Variants in MBNL3 observed in about 807,000 individuals in gnomAD.
The protein encoded by MBNL3 is muscleblind like splicing regulator 3.
Under a neutral mutation model 24.5 loss-of-function variants are expected in MBNL3, and 6 were observed. The observed-to-expected ratio is 0.25, with a 90% CI of 0.13 to 0.48. The LOEUF (loss-of-function observed/expected upper bound fraction) is 0.48, where lower values mean the gene tolerates loss of function less well. MBNL3 is among the 20% of genes least tolerant of loss of function. MBNL3 has a pLI of 0.99. For synonymous variants in MBNL3, 100 were observed against 101.7 expected (o/e 0.98, Z 0.10); for missense variants, 230 against 293.5 (o/e 0.78, Z 1.58).
At chrX:132,390,255 AC>A (rs1235557319) in intron 5 of MBNL3, among the ~76,000 whole-genome samples, 14 of 64,091 alleles carry the variant, frequency 2.2e-4, no homozygotes, top group African/African-American at 8.6e-4. Flanking sequence ...AAACAAAACA[AC>A]AACAACAACA....
chrX:132,488,000 A>T (rs1188901164), intron 1 of MBNL3, among the ~76,000 whole-genome samples: 1 of 112,373 alleles, frequency 8.9e-6, no homozygotes, highest in South Asian at 3.7e-4. Context: ...TAATAAAAAA[A>T]GTACCAATCA....
chrX:132,406,140 C>A lies in MBNL3; in HGVS notation c.342+88G>T, dbSNP rs769518420. The A allele has an allele frequency of 2.5e-3, 2,605 of 1,030,310 alleles. 7 individuals carry two copies. Among genetic ancestry groups the A allele is most frequent in the Non-Finnish European group, 3.1e-3 (2,271 of 736,096 alleles). The allele number at this position is 1,030,310 out of a possible 1,213,427, so 84.9% of individuals were successfully genotyped here. On this transcript the variant is annotated intron_variant, in intron 3 of 8. Transcript: ENST00000370853. ...GAACATATTAGTTTGTGTCCTAAAT[C>A]CTGTTGCAACTAATTTCCCCAAGTC...
In MBNL3 at chrX:132,370,404, A is replaced by T. The variant is rs1167231050; in HGVS notation, c.*9262T>A. ...TCATATCAGAACTTTCCAGATAATAACAAAATTACGAGAGTGTTCATTTTT... is the reference window on the plus strand; with the variant it reads ...TCATATCAGAACTTTCCAGATAATATCAAAATTACGAGAGTGTTCATTTTT... On this transcript the variant is annotated 3_prime_UTR_variant, in exon 9 of 9. Coordinates refer to ENST00000370853, the MANE Select transcript of MBNL3 (RefSeq NM_001386889.1). The T allele has an allele frequency of 8.9e-6, 1 of 111,778 alleles. No homozygotes were observed. Among genetic ancestry groups the T allele is most frequent in the Non-Finnish European group, 1.9e-5 (1 of 53,142 alleles). 9.2% of individuals were successfully genotyped at this position (111,778 alleles called of 1,213,427 possible).
At chrX:132,443,184 C>T (rs935996633) in intron 1 of MBNL3, among the ~76,000 whole-genome samples, 8 of 111,699 alleles carry the variant, frequency 7.2e-5, no homozygotes, top group African/African-American at 2.3e-4. Flanking sequence ...ATTGATGTTT[C>T]GATCTCTCAA....
Position 132,373,577 on chromosome X carries a change from T to C in MBNL3, c.*6089A>G, listed in dbSNP as rs200408740. The C allele has an allele frequency of 6.3e-5, 7 of 111,734 alleles. No homozygotes were observed. In the East Asian group the frequency reaches 2.0e-3, roughly 32 times the overall value. 9.2% of individuals were successfully genotyped at this position (111,734 alleles called of 1,213,427 possible). A position where few individuals can be genotyped will look rare whatever the true frequency, so the allele number is the denominator to read the frequency against. ...TTTCTTTCTCTGTAAATGAGAACTA[T>C]CAAAACGAGTAGCAATACCAACTCC... On this transcript the variant is annotated 3_prime_UTR_variant, in exon 9 of 9. Coordinates refer to ENST00000370853, the MANE Select transcript of MBNL3 (RefSeq NM_001386889.1).
At chrX:132,448,456 G>A (rs143813077) in intron 1 of MBNL3, among the ~76,000 whole-genome samples, 1,458 of 111,673 alleles carry the variant, frequency 0.013, 26 homozygotes, top group African/African-American at 0.045. Flanking sequence ...ATTCTCTGAT[G>A]GTAGTTTGCA....
At chrX:132,405,078 A>G (rs1361183463) in intron 3 of MBNL3, among the ~76,000 whole-genome samples, 1 of 112,141 alleles carries the variant, frequency 8.9e-6, no homozygotes, top group African/African-American at 3.3e-5. Flanking sequence ...GGCATAGGGC[A>G]AGATGAATTT....
chrX:132,390,733 A>C lies in MBNL3; in HGVS notation c.771+114T>G, dbSNP rs200868872. On this transcript the variant is annotated intron_variant, in intron 5 of 8. Coordinates refer to ENST00000370853, the MANE Select transcript of MBNL3 (RefSeq NM_001386889.1). The stretch of plus-strand genomic sequence containing the variant: ...TTCCAGCTTATAACCTTGACTGTTC[A>C]TATTAAGGTCCTCTCATGACCATCC... 22 of 546,516 alleles carry C rather than the reference A, an allele frequency of 4.0e-5. No homozygotes were observed. The East Asian group carries it at 6.9e-4, about 17-fold the overall frequency. The allele number at this position is 546,516 out of a possible 1,213,427, so 45.0% of individuals were successfully genotyped here.
At chrX:132,470,962 G>C (rs1947149560) in intron 1 of MBNL3, among the ~76,000 whole-genome samples, 1 of 111,278 alleles carries the variant, frequency 9.0e-6, no homozygotes, top group African/African-American at 3.3e-5. Flanking sequence ...TCAAGTTCAA[G>C]TTTTGATGCT....
chrX:132,401,320 CA>C (rs1173439916), intron 3 of MBNL3, among the ~76,000 whole-genome samples: 11 of 108,870 alleles, frequency 1.0e-4, no homozygotes, highest in Non-Finnish European at 2.0e-4. Context: ...GACTGACTTA[CA>C]AAAATTAAAA....
intron 1 of MBNL3, among the ~76,000 whole-genome samples, chrX:132,484,052 T>C (rs1174546429): frequency 8.9e-6 from 1 of 111,760 alleles, no homozygotes; most frequent in Admixed American, 9.5e-5. Flanking sequence ...TTCTTTGTAA[T>C]GAAGACTGAT....
In MBNL3 at chrX:132,441,665, C is replaced by G. The variant is rs777414646; in HGVS notation, c.-703-1351G>C. On this transcript the variant is annotated intron_variant, in intron 1 of 8. Transcript: ENST00000370853. ...CAGAAAAATTGGAGAAATTTGAACC[C>G]TCATACATCGTGGCTGGGAATATGA... Among the ~76,000 whole-genome samples, 11 of 112,042 alleles carry G rather than the reference C, an allele frequency of 9.8e-5. No homozygotes were observed. In the South Asian group the frequency reaches 1.9e-3, roughly 19 times the overall value.
chrX:132,415,038 C>G (rs1943170721), intron 2 of MBNL3, among the ~76,000 whole-genome samples: 1 of 111,989 alleles, frequency 8.9e-6, no homozygotes, highest in Non-Finnish European at 1.9e-5. Flanking sequence ...TTTCTTCTTT[C>G]ATTTGAAGGC....
chrX:132,436,577 T>C (rs777360537), intron 2 of MBNL3, among the ~76,000 whole-genome samples: 5 of 111,957 alleles, frequency 4.5e-5, no homozygotes, highest in African/African-American at 1.6e-4. Flanking sequence ...AGAGAAGAAA[T>C]AGTACACAGA....
chrX:132,412,152 A>C (rs914398094), intron 2 of MBNL3, among the ~76,000 whole-genome samples: 1 of 110,891 alleles, frequency 9.0e-6, no homozygotes, highest in African/African-American at 3.3e-5. Context: ...CATCCTGGTA[A>C]TTTAGTATAA....
intron 1 of MBNL3, among the ~76,000 whole-genome samples, chrX:132,469,914 T>C (rs1373608336): frequency 8.9e-6 from 1 of 112,065 alleles, no homozygotes; most frequent in Non-Finnish European, 1.9e-5. Context: ...TCTGCTTTCT[T>C]GTCCCTGAAT....
chrX:132,409,356 A>G (rs1299029827), intron 2 of MBNL3, among the ~76,000 whole-genome samples: 1 of 111,890 alleles, frequency 8.9e-6, no homozygotes, highest in Non-Finnish European at 1.9e-5. Context: ...GGACTGTCCC[A>G]GTGGAGTAGG....
In MBNL3 at chrX:132,386,657, T is replaced by TCACC; in HGVS notation, c.922_922+3dup. 8.3e-7 allele frequency: 1 copy of TCACC among 1,210,236 alleles called. No homozygotes were observed. Among genetic ancestry groups the TCACC allele is most frequent in the Non-Finnish European group, 1.1e-6 (1 of 895,295 alleles). On this transcript the variant is annotated splice_donor_region_variant and intron_variant, in intron 6 of 8. Coordinates refer to ENST00000370853, the MANE Select transcript of MBNL3 (RefSeq NM_001386889.1). ...CGCTGCAGTGCCTAGAGCTGTGTTC[T>TCACC]CACCTGCAGGGATAAATGCCGGCTG...
intron 3 of MBNL3, among the ~76,000 whole-genome samples, chrX:132,405,826 T>C (rs927684313): frequency 2.3e-5 from 2 of 88,738 alleles, no homozygotes; most frequent in African/African-American, 9.3e-5. Flanking sequence ...GCAATGAGCC[T>C]AGATCGCACC....
Sources: allele counts gnomAD v4.1 joint callset (sites outside exome capture counted in the v4.1 genomes callset), GRCh38; gene constraint gnomAD v4.1.1; transcripts MANE v1.5; gene names NCBI Gene and HGNC (gene_info 2026-07-23, HGNC 2026-07-21).